TMEM39B: variants seen among roughly 807,000 people sequenced by gnomAD.
The protein encoded by TMEM39B is transmembrane protein 39B.
Under a neutral mutation model 52.2 loss-of-function variants are expected in TMEM39B, and 23 were observed. The observed-to-expected ratio is 0.44, with a 90% confidence interval of 0.32 to 0.62. TMEM39B has a LOEUF of 0.62. TMEM39B is among the 20% of genes least tolerant of loss of function. The pLI, the probability that TMEM39B is intolerant of heterozygous loss-of-function variation, is 0.06. For missense variants in TMEM39B, 547 were observed against 642.0 expected (o/e 0.85, Z 1.60); for synonymous variants, 285 against 264.0 (o/e 1.08, Z -0.77).
chr1:32,084,722 C>T (rs1640265396), intron 5 of TMEM39B, among the ~76,000 whole-genome samples: 1 of 152,058 alleles, frequency 6.6e-6, no homozygotes, highest in African/African-American at 2.4e-5. Flanking sequence ...GGCACGCCAC[C>T]ATGCCCAGCT....
chr1:32,098,013 T>C (rs1168125148), intron 7 of TMEM39B, among the ~76,000 whole-genome samples: 2 of 152,076 alleles, frequency 1.3e-5, no homozygotes, highest in East Asian at 1.9e-4. Flanking sequence ...TTTTGTTTTT[T>C]GAGACGGGGT....
Position 32,094,972 on chromosome 1 carries a change from G to A in TMEM39B, c.1115+1G>A, listed in dbSNP as rs764724219. On this transcript the variant is annotated splice_donor_variant, in intron 7 of 8. Transcript: ENST00000336294. LOFTEE classifies it high-confidence loss of function. The stretch of plus-strand genomic sequence containing the variant: ...TGTGCTCCAACGTGCTGCAGCACCC[G>A]TGAGTCACCCTACCCTGCTCAACCC... 7.4e-6 allele frequency: 12 copies of A among 1,612,672 alleles called. No individual in the cohort carries two copies. The highest frequency in any genetic ancestry group is 1.0e-5 in the Non-Finnish European group (12 of 1,179,894).
In TMEM39B at chr1:32,091,761, G is replaced by T; in HGVS notation, c.677G>T (p.Arg226Leu). The T allele has an allele frequency of 6.2e-7, 1 of 1,614,192 alleles. No individual in the cohort carries two copies. Among genetic ancestry groups the T allele is most frequent in the Non-Finnish European group, 8.5e-7 (1 of 1,180,038 alleles). Residue 226 changes from arginine to leucine, a missense_variant, in exon 6 of 9, where the codon CGG (arginine) becomes CTG (leucine). Transcript: ENST00000336294. Reference sequence around the variant, plus strand: ...AACCACATGGCCTCCATGGGGCCCCGGGAGGCGGTCAGTGGCCTGGCAAAG... The same window carrying T: ...AACCACATGGCCTCCATGGGGCCCCTGGAGGCGGTCAGTGGCCTGGCAAAG... ...LFNHMASMGP[R>L]EAVSGLAKSR... is the part of the protein sequence containing the mutation.
At chr1:32,099,467 T>A (rs540009930) in intron 7 of TMEM39B, among the ~76,000 whole-genome samples, 23 of 152,160 alleles carry the variant, frequency 1.5e-4, no homozygotes, top group African/African-American at 3.1e-4. Flanking sequence ...AAAGTTTTTT[T>A]AAAAAAATAA....
At position 32,100,783 on chromosome 1, in the gene TMEM39B, T is replaced by C. The variant is rs1173782952; in HGVS notation, c.1236+221T>C. 9.1e-6 allele frequency: 5 copies of C among 547,800 alleles called. No homozygotes were observed. In the East Asian group the frequency reaches 1.5e-4, roughly 16 times the overall value. The allele number at this position is 547,800 out of a possible 1,614,324, so 33.9% of individuals were successfully genotyped here. A position where few individuals can be genotyped will look rare whatever the true frequency, so the allele number is the denominator to read the frequency against. On this transcript the variant is annotated intron_variant, in intron 8 of 8. Coordinates refer to ENST00000336294, the MANE Select transcript of TMEM39B (RefSeq NM_018056.4). Reference sequence around the variant, plus strand: ...GCTCACGCCTGTAATCCCAGCACTTTGGGAGACCAAGGCAGACAGATCACC... The same window carrying C: ...GCTCACGCCTGTAATCCCAGCACTTCGGGAGACCAAGGCAGACAGATCACC...
intron 3 of TMEM39B, chr1:32,076,545 A>G: frequency 1.5e-6 from 1 of 685,074 alleles, no homozygotes; most frequent in Non-Finnish European, 2.7e-6. Context: ...GGGCTCACAT[A>G]CCACTCTCTT....
intron 1 of TMEM39B, 113 bp downstream of exon 1, chr1:32,073,164 G>A: frequency 6.1e-6 from 8 of 1,321,680 alleles, no homozygotes; most frequent in Non-Finnish European, 7.9e-6. Context: ...GGAGGGGGAG[G>A]GGATGCGAGC....
At chr1:32,100,696 T>A in intron 8 of TMEM39B, 134 bp downstream of exon 8, 2 of 1,236,144 alleles carry the variant, frequency 1.6e-6, no homozygotes, top group South Asian at 1.3e-5. Flanking sequence ...AGTGCACACA[T>A]GTAGCACAAG....
intron 6 of TMEM39B, among the ~76,000 whole-genome samples, chr1:32,093,143 G>A (rs1231684677): frequency 2.0e-5 from 3 of 151,972 alleles, no homozygotes; most frequent in African/African-American, 7.3e-5. Flanking sequence ...CTGTCGCCCA[G>A]GCTGGAGTGC....
intron 1 of TMEM39B, among the ~76,000 whole-genome samples, chr1:32,074,310 A>ATAGGCCTCAG (rs1639761946): frequency 6.6e-6 from 1 of 152,096 alleles, no homozygotes; most frequent in African/African-American, 2.4e-5. Context: ...GGCCTCCAGA[A>ATAGGCCTCAG]ACTTATGTCT....
chr1:32,100,347 G>T lies in TMEM39B; in HGVS notation c.1116-95G>T, dbSNP rs1000041923. The T allele has an allele frequency of 8.8e-6, 12 of 1,365,750 alleles. No individual in the cohort carries two copies. In the African/African-American group the frequency reaches 1.5e-4, roughly 17 times the overall value. 84.6% of individuals were successfully genotyped at this position (1,365,750 alleles called of 1,614,324 possible). On this transcript the variant is annotated intron_variant, in intron 7 of 8. Transcript: ENST00000336294. ...CAGCGTGTCTAAGTGATAGAAATGG[G>T]AGTAGAGCCCTGGTGATTCCCTCCT... is the stretch of plus-strand genomic sequence containing the variant.
At chr1:32,085,446 T>C (rs1640301730) in intron 5 of TMEM39B, among the ~76,000 whole-genome samples, 1 of 152,066 alleles carries the variant, frequency 6.6e-6, no homozygotes, top group African/African-American at 2.4e-5. Flanking sequence ...TAGCATACTA[T>C]TCTTGTTTTA....
chr1:32,078,761 C>T (rs553680410), intron 5 of TMEM39B, among the ~76,000 whole-genome samples: 1 of 151,786 alleles, frequency 6.6e-6, no homozygotes, highest in South Asian at 2.1e-4. Flanking sequence ...CTGCCTCAGC[C>T]TCCCAAGTAA....
chr1:32,078,686 G>T (rs950338625), intron 5 of TMEM39B, among the ~76,000 whole-genome samples: 1 of 152,124 alleles, frequency 6.6e-6, no homozygotes, highest in African/African-American at 2.4e-5. Context: ...TGTCACCCGG[G>T]CTGGAGTGCA....
intron 7 of TMEM39B, 151 bp downstream of exon 7, chr1:32,095,122 G>C (rs1164388754): frequency 1.1e-6 from 1 of 897,772 alleles, no homozygotes. Flanking sequence ...GGTGGGGTAT[G>C]GTGGGGCCTG....
rs769656874 is a variant in TMEM39B at position 32,077,211 on chromosome 1, C to G, written c.483C>G (p.Phe161Leu). 7.4e-6 allele frequency: 12 copies of G among 1,614,048 alleles called. No individual in the cohort carries two copies. The highest frequency in any genetic ancestry group is 2.5e-6 in the Non-Finnish European group (3 of 1,180,028). The change falls in exon 5 of 9, where the codon TTC (phenylalanine) becomes TTG (leucine). Residue 161 changes from phenylalanine to leucine, a missense_variant. Coordinates refer to ENST00000336294, the MANE Select transcript of TMEM39B (RefSeq NM_018056.4). ...KVSLFRSILL[F>L]LTRFTVLTAT... ...CCCTCTTTCGCTCCATCCTGCTGTTCCTCACTCGCTTCACCGTTCTCACGG... is the reference window on the plus strand; with the variant it reads ...CCCTCTTTCGCTCCATCCTGCTGTTGCTCACTCGCTTCACCGTTCTCACGG...
chr1:32,088,812 C>T (rs185193477), intron 5 of TMEM39B, among the ~76,000 whole-genome samples: 1 of 152,024 alleles, frequency 6.6e-6, no homozygotes, highest in East Asian at 1.9e-4. Flanking sequence ...ACATAGGTGC[C>T]CCCGCCCCCT....
At chr1:32,092,071 C>T (rs1432115770) in intron 6 of TMEM39B, 60 bp downstream of exon 6, 47 of 1,496,620 alleles carry the variant, frequency 3.1e-5, no homozygotes, top group Non-Finnish European at 4.2e-5. Context: ...TGCTGCCTGC[C>T]CGATGTGAGT....
chr1:32,079,608 A>G (rs563362836), intron 5 of TMEM39B, among the ~76,000 whole-genome samples: 2 of 152,138 alleles, frequency 1.3e-5, no homozygotes, highest in Admixed American at 6.6e-5. Flanking sequence ...GGCATAGCAC[A>G]TTATAGCATA....
Sources: gnomAD v4.1 joint callset for allele counts (sites outside exome capture counted in the v4.1 genomes callset) on GRCh38, gnomAD v4.1.1 for gene constraint, MANE v1.5 for transcripts, NCBI Gene and HGNC (gene_info 2026-07-23, HGNC 2026-07-21) for gene names.